The following SNX25 variants were observed in gnomAD, a reference collection of about 807,000 sequenced individuals.
SNX25 encodes sorting nexin-25.
SNX25 carries 62 observed loss-of-function variants against 113.7 expected under a neutral mutation model. That is an observed-to-expected ratio of 0.55 (90% CI 0.44 to 0.67). The LOEUF is 0.67. SNX25 is among the 30% of genes least tolerant of loss of function. The pLI is 0.00. For missense variants in SNX25, 1,014 were observed against 1,161.0 expected, an observed-to-expected ratio of 0.87 and a Z score of 1.84; for synonymous variants, 421 against 436.2, an observed-to-expected ratio of 0.97 and a Z score of 0.43.
intron 1 of SNX25, among the ~76,000 whole-genome samples, chr4:185,229,101 G>A (rs913703759): frequency 6.6e-6 from 1 of 152,130 alleles, no homozygotes; most frequent in Non-Finnish European, 1.5e-5. Flanking sequence ...AGCAACGCCC[G>A]CGGTGTGGTT....
intron 13 of SNX25, among the ~76,000 whole-genome samples, chr4:185,350,047 G>T (rs1341911608): frequency 1.3e-5 from 2 of 152,210 alleles, no homozygotes; most frequent in African/African-American, 4.8e-5. Context: ...TAGGGGCACT[G>T]CCCATCCCCC....
At chr4:185,340,789 GC>G (rs1162502984) in intron 11 of SNX25, among the ~76,000 whole-genome samples, 1 of 152,182 alleles carries the variant, frequency 6.6e-6, no homozygotes. Flanking sequence ...CTGTGCCCTG[GC>G]CGTCAGTTGC....
intron 18 of SNX25, 64 bp downstream of exon 18, chr4:185,362,775 A>T: frequency 1.5e-6 from 2 of 1,311,644 alleles, no homozygotes; most frequent in East Asian, 4.7e-5. Flanking sequence ...GTTTGGTCAG[A>T]AAAAACATGT....
At chr4:185,373,072 TA>T (rs771831576), downstream of SNX25, 1 of 1,604,568 alleles carries the variant, frequency 6.2e-7, no homozygotes, top group Non-Finnish European at 8.5e-7. Context: ...GGAATGCCAG[TA>T]AAATGCCTAA....
chr4:185,353,399 T>A, intron 14 of SNX25, 86 bp from the exon 15 acceptor site: 1 of 974,082 alleles, frequency 1.0e-6, no homozygotes, highest in Non-Finnish European at 1.6e-6. Flanking sequence ...GCAGATAGTT[T>A]GGAATTTACA....
intron 1 of SNX25, 54 bp from the exon 2 acceptor site, chr4:185,247,240 T>A: frequency 1.7e-6 from 2 of 1,197,062 alleles, no homozygotes; most frequent in Non-Finnish European, 2.4e-6. Context: ...TTTTTTTTTT[T>A]ATGTGATTTA....
chr4:185,294,734 A>G (rs922267286), intron 6 of SNX25, among the ~76,000 whole-genome samples: 1 of 152,180 alleles, frequency 6.6e-6, no homozygotes, highest in Admixed American at 6.6e-5. Flanking sequence ...CCGCTAACTC[A>G]TTATACCCTC....
intron 12 of SNX25, among the ~76,000 whole-genome samples, chr4:185,342,443 A>G (rs1426155759): frequency 6.6e-6 from 1 of 152,276 alleles, no homozygotes; most frequent in African/African-American, 2.4e-5. Flanking sequence ...GAGTTGCAGC[A>G]GTAGAAAGAA....
At chr4:185,311,402 C>G (rs1244449277) in intron 7 of SNX25, among the ~76,000 whole-genome samples, 1 of 152,170 alleles carries the variant, frequency 6.6e-6, no homozygotes, top group Non-Finnish European at 1.5e-5. Context: ...TTCAGACTGT[C>G]TGTCAATACC....
intron 1 of SNX25, among the ~76,000 whole-genome samples, chr4:185,229,928 A>G (rs557578035): frequency 9.9e-5 from 15 of 152,276 alleles, no homozygotes; most frequent in Non-Finnish European, 1.5e-4. Flanking sequence ...ACCTGGGCTC[A>G]GGTGATCCTC....
At chr4:185,313,349 A>C (rs942972279) in intron 7 of SNX25, among the ~76,000 whole-genome samples, 1 of 152,222 alleles carries the variant, frequency 6.6e-6, no homozygotes, top group Non-Finnish European at 1.5e-5. Context: ...TAAAGGAGTC[A>C]GTTCGTCAGG....
At chr4:185,307,426 T>A (rs1754612568) in intron 6 of SNX25, among the ~76,000 whole-genome samples, 1 of 152,188 alleles carries the variant, frequency 6.6e-6, no homozygotes, top group Admixed American at 6.5e-5. Context: ...GAGCATTCTG[T>A]TTCTCTAGCG....
At position 185,351,599 on chromosome 4, in the gene SNX25, C is replaced by A. The variant is rs1474256382; in HGVS notation, c.2456C>A (p.Ser819Tyr). 1 of 1,613,916 alleles carries A rather than the reference C, an allele frequency of 6.2e-7. No homozygotes were observed. The highest frequency in any genetic ancestry group is 8.5e-7 in the Non-Finnish European group (1 of 1,179,920). ...FLERLPRDFF[S>Y]HQEEETEEDS... ...GAAAGACTTCCTCGCGACTTCTTCT[C>A]CCACCAGGAGGTGAGCCGTTGAAAG... is the stretch of plus-strand genomic sequence containing the variant. The change falls in exon 14 of 19, where the codon TCC becomes TAC. Residue 819 changes from serine (S) to tyrosine (Y), a missense_variant. Physicochemically the swap from Ser to Tyr is moderately radical, Grantham distance 144. Coordinates refer to ENST00000652585, the MANE Select transcript of SNX25 (RefSeq NM_001378034.2).
At chr4:185,272,185 C>T (rs186234698) in intron 5 of SNX25, among the ~76,000 whole-genome samples, 43 of 152,222 alleles carry the variant, frequency 2.8e-4, no homozygotes, top group Non-Finnish European at 5.6e-4. Flanking sequence ...ACCTTGGTTC[C>T]GGATATTAAA....
At chr4:185,266,727 T>C (rs1347424072) in intron 4 of SNX25, among the ~76,000 whole-genome samples, 1 of 152,198 alleles carries the variant, frequency 6.6e-6, no homozygotes, top group East Asian at 1.9e-4. Flanking sequence ...TCTTTTACAT[T>C]TCACTTATTT....
intron 1 of SNX25, 21 bp from the exon 2 acceptor site, chr4:185,247,273 A>G: frequency 6.5e-7 from 1 of 1,528,810 alleles, no homozygotes; most frequent in South Asian, 1.2e-5. Flanking sequence ...TCTGCTTTGT[A>G]TTTTTTTCCT....
intron 6 of SNX25, among the ~76,000 whole-genome samples, chr4:185,289,256 T>G (rs577738070): frequency 6.6e-6 from 1 of 152,156 alleles, no homozygotes; most frequent in Non-Finnish European, 1.5e-5. Flanking sequence ...TGGGAGGCAG[T>G]CAGACAATCA....
chr4:185,255,701 G>A (rs1377700635), intron 2 of SNX25, among the ~76,000 whole-genome samples: 3 of 152,152 alleles, frequency 2.0e-5, no homozygotes, highest in Admixed American at 2.0e-4. Flanking sequence ...GTTCACCTAT[G>A]TGCAGGACTA....
chr4:185,346,623 G>A lies in SNX25; in HGVS notation c.2274G>A (p.Ser758=), dbSNP rs372010830. The part of the protein sequence containing the change: ...KSIDQKFMEK[S]KNQLNKFLQN... Reference sequence around the variant, plus strand: ...TAGATCAAAAGTTTATGGAAAAGTCGAAGAATCAATTAAATAAGTTTTTAC... The same window carrying A: ...TAGATCAAAAGTTTATGGAAAAGTCAAAGAATCAATTAAATAAGTTTTTAC... The change falls in exon 13 of 19, where the codon TCG becomes TCA. Residue 758 remains serine, a synonymous_variant. Transcript: ENST00000652585. 42 of 1,582,686 alleles carry A rather than the reference G, an allele frequency of 2.7e-5. No individual in the cohort carries two copies. The Middle Eastern group carries it at 5.0e-4, about 19-fold the overall frequency.
Sources: allele counts gnomAD v4.1 joint callset (sites outside exome capture counted in the v4.1 genomes callset), GRCh38; gene constraint gnomAD v4.1.1; transcripts MANE v1.5; gene names NCBI Gene and HGNC (gene_info 2026-07-23, HGNC 2026-07-21).